TEAD1: variants seen among roughly 807,000 people sequenced by gnomAD.
TEAD1 encodes TEA domain transcription factor 1.
Under a neutral mutation model 54.9 loss-of-function variants are expected in TEAD1, and 9 were observed. The observed-to-expected ratio is 0.16, with a 90% confidence interval of 0.10 to 0.29. The LOEUF (loss-of-function observed/expected upper bound fraction) is 0.29, where lower values mean the gene tolerates loss of function less well. Among genes scored for constraint, TEAD1 ranks in the 10% least tolerant of loss-of-function variants. The pLI is 1.00. For synonymous variants in TEAD1, 200 were observed against 187.8 expected (o/e 1.07, Z -0.53); for missense variants, 387 against 535.9 (o/e 0.72, Z 2.74).
intron 5 of TEAD1, among the ~76,000 whole-genome samples, chr11:12,871,779 A>G (rs1156720673): frequency 6.6e-6 from 1 of 151,670 alleles, no homozygotes; most frequent in Admixed American, 6.5e-5. Flanking sequence ...ATGACTCGGG[A>G]CAAAACTAAG....
At chr11:12,854,212 G>A (rs1947328200) in intron 3 of TEAD1, among the ~76,000 whole-genome samples, 1 of 152,108 alleles carries the variant, frequency 6.6e-6, no homozygotes, top group Non-Finnish European at 1.5e-5. Context: ...TGTTTTTCAT[G>A]AGCCTGTCCT....
At position 12,942,801 on chromosome 11, in the gene TEAD1, T is replaced by C. The variant is rs948865480; in HGVS notation, c.*5579T>C. 1 of 152,200 alleles carries C rather than the reference T, an allele frequency of 6.6e-6. No homozygotes were observed. Among genetic ancestry groups the C allele is most frequent in the African/African-American group, 2.4e-5 (1 of 41,456 alleles). 9.4% of individuals were successfully genotyped at this position (152,200 alleles called of 1,614,324 possible). ...TGACTCCGAGTATTGTGTATGAATGTGCTACGAGAAACTTCCAAAGAGCAC... is the reference window on the plus strand; with the variant it reads ...TGACTCCGAGTATTGTGTATGAATGCGCTACGAGAAACTTCCAAAGAGCAC... On this transcript the variant is annotated 3_prime_UTR_variant, in exon 13 of 13. Coordinates refer to ENST00000527636, the MANE Select transcript of TEAD1 (RefSeq NM_021961.6).
At chr11:12,845,193 G>C (rs145423373) in intron 3 of TEAD1, among the ~76,000 whole-genome samples, 1,668 of 152,028 alleles carry the variant, frequency 0.011, 36 homozygotes, top group African/African-American at 0.039. Flanking sequence ...TTGAACTCCT[G>C]ACCTCAAGTG....
At chr11:12,862,011 AAAAG>A (rs1232223987) in intron 3 of TEAD1, among the ~76,000 whole-genome samples, 2 of 151,010 alleles carry the variant, frequency 1.3e-5, no homozygotes, top group African/African-American at 4.9e-5. Flanking sequence ...TTTTTTAAAA[AAAAG>A]GATAAATTTC....
chr11:12,872,502 C>T (rs1470434251), intron 5 of TEAD1, among the ~76,000 whole-genome samples: 1 of 152,188 alleles, frequency 6.6e-6, no homozygotes, highest in Non-Finnish European at 1.5e-5. Flanking sequence ...TTTAATTTAA[C>T]TGAACGAAAA....
In TEAD1 at chr11:12,937,156, T is replaced by C; in HGVS notation, c.1215T>C (p.Cys405=). 1 of 1,614,078 alleles carries C rather than the reference T, an allele frequency of 6.2e-7. No homozygotes were observed. Among genetic ancestry groups the C allele is most frequent in the Admixed American group, 1.7e-5 (1 of 60,014 alleles). ...AAGAAACTCTACTCTGCATGGCCTGTGTGTTTGAAGTTTCAAATAGTGAAC... is the reference window on the plus strand; with the variant it reads ...AAGAAACTCTACTCTGCATGGCCTGCGTGTTTGAAGTTTCAAATAGTGAAC... Residue 405 remains cysteine, a synonymous_variant, in exon 13 of 13, where the codon TGT becomes TGC. Transcript: ENST00000527636.
At chr11:12,885,804 GT>G (rs1948075450) in intron 9 of TEAD1, among the ~76,000 whole-genome samples, 1 of 152,144 alleles carries the variant, frequency 6.6e-6, no homozygotes, top group African/African-American at 2.4e-5. Context: ...TCTTTTTGTT[GT>G]TAGTATTTGT....
At chr11:12,761,898 A>G (rs1317241921) in intron 2 of TEAD1, among the ~76,000 whole-genome samples, 2 of 152,158 alleles carry the variant, frequency 1.3e-5, no homozygotes, top group Non-Finnish European at 2.9e-5. Context: ...GTTCAAGGGT[A>G]GACTGTGACC....
chr11:12,739,762 CTGATTACATGTTAG>C (rs1944614540), intron 2 of TEAD1, among the ~76,000 whole-genome samples: 1 of 152,172 alleles, frequency 6.6e-6, no homozygotes, highest in Non-Finnish European at 1.5e-5. Flanking sequence ...CCCTCTGTTA[CTGATTACATGTTAG>C]GTGCCAGACA....
chr11:12,859,886 A>G (rs1485399096), intron 3 of TEAD1, among the ~76,000 whole-genome samples: 2 of 152,196 alleles, frequency 1.3e-5, no homozygotes, highest in African/African-American at 4.8e-5. Context: ...GTTGGCATAT[A>G]TTGATAATTT....
rs201724459 is a variant in TEAD1 at position 12,901,977 on chromosome 11, A to T, written c.737A>T (p.Asn246Ile). 3 of 1,614,128 alleles carry T rather than the reference A, an allele frequency of 1.9e-6. No homozygotes were observed. The South Asian group carries it at 3.3e-5, about 18-fold the overall frequency. The change falls in exon 10 of 13, where the codon AAC becomes ATC. Residue 246 changes from asparagine to isoleucine, a missense_variant. Asn to Ile is a moderately radical substitution (Grantham distance 149). Around this residue, in one of 5 missense-constraint regions of TEAD1, gnomAD observed 180 missense variants for 180.6 expected, o/e 1.00. Transcript: ENST00000527636. ...CTCTTCGTGCACATTGGGCATGCCA[A>T]CCATTCTTACAGTGACCCATTGCTT...
intron 12 of TEAD1, among the ~76,000 whole-genome samples, chr11:12,931,065 A>G (rs1304959185): frequency 6.6e-6 from 1 of 152,186 alleles, no homozygotes; most frequent in African/African-American, 2.4e-5. Flanking sequence ...CAGGAGTTCA[A>G]GACCAGCCTG....
Position 12,937,335 on chromosome 11 carries a change from TGCCCTGGCCCC to T in TEAD1, c.*115_*125del. On this transcript the variant is annotated 3_prime_UTR_variant, in exon 13 of 13. Coordinates refer to ENST00000527636, the MANE Select transcript of TEAD1 (RefSeq NM_021961.6). ...CTGTAAACCTCACCACACAGGGTGG[TGCCCTGGCCCC>T]GAGGTCACCCCGACTTTTCTAAATC... is the stretch of plus-strand genomic sequence containing the variant. 2.0e-5 allele frequency: 19 copies of T among 928,928 alleles called. No individual in the cohort carries two copies. Among genetic ancestry groups the T allele is most frequent in the Non-Finnish European group, 3.2e-5 (19 of 595,784 alleles). 57.5% of individuals were successfully genotyped at this position (928,928 alleles called of 1,614,324 possible).
chr11:12,935,482 T>G (rs2134177164), intron 12 of TEAD1, among the ~76,000 whole-genome samples: 1 of 151,722 alleles, frequency 6.6e-6, no homozygotes, highest in East Asian at 1.9e-4. Context: ...ATTTTTGAGG[T>G]AGAGTCTTGC....
chr11:12,923,776 A>G lies in TEAD1; in HGVS notation c.874-1136A>G, dbSNP rs576079984. Among the ~76,000 whole-genome samples, 15 of 152,326 alleles carry G rather than the reference A, an allele frequency of 9.8e-5. 1 individual carries two copies. Among genetic ancestry groups the G allele is most frequent in the Admixed American group, 9.2e-4 (14 of 15,300 alleles). Reference sequence around the variant, plus strand: ...CAGCTTACTCCTGAAAGCCCTACTTATAGCAGCGTTAACCCATATGCAAGG... The same window carrying G: ...CAGCTTACTCCTGAAAGCCCTACTTGTAGCAGCGTTAACCCATATGCAAGG... On this transcript the variant is annotated intron_variant, in intron 10 of 12. Coordinates refer to ENST00000527636, the MANE Select transcript of TEAD1 (RefSeq NM_021961.6).
intron 10 of TEAD1, among the ~76,000 whole-genome samples, chr11:12,917,786 G>A (rs1050277709): frequency 6.6e-6 from 1 of 152,194 alleles, no homozygotes; most frequent in Non-Finnish European, 1.5e-5. Flanking sequence ...ACAGGGAGAA[G>A]ATTTCTTAGA....
Position 12,924,952 on chromosome 11 carries a change from TTTA to T in TEAD1, c.916_918del (p.Tyr306del). On this transcript the variant is annotated inframe_deletion, in exon 11 of 13. Transcript: ENST00000527636. ...AATATTCAAGATGATGCTGGGGCTT[TTTA>T]TGGTGTAACCAGTCAGTACGAGAGT... The T allele has an allele frequency of 6.2e-7, 1 of 1,614,220 alleles. No homozygotes were observed. The highest frequency in any genetic ancestry group is 1.6e-4 in the Middle Eastern group (1 of 6,062).
intron 3 of TEAD1, among the ~76,000 whole-genome samples, chr11:12,806,670 AGAGCTTGAAACC>A (rs1298045545): frequency 6.6e-6 from 1 of 152,256 alleles, no homozygotes; most frequent in Non-Finnish European, 1.5e-5. Flanking sequence ...TTCATACTTC[AGAGCTTGAAACC>A]GAGTAGTTTC....
At chr11:12,748,841 AG>A (rs1374823173) in intron 2 of TEAD1, among the ~76,000 whole-genome samples, 2 of 141,256 alleles carry the variant, frequency 1.4e-5, no homozygotes, top group East Asian at 4.2e-4. Context: ...TGGGGTAGAG[AG>A]GAGCAGAGGG....
Sources: allele counts gnomAD v4.1 joint callset (sites outside exome capture counted in the v4.1 genomes callset), GRCh38; gene constraint gnomAD v4.1.1; regional missense constraint gnomAD v4.1.1; transcripts MANE v1.5; gene names NCBI Gene and HGNC (gene_info 2026-07-23, HGNC 2026-07-21).